Variants in ZSCAN16 observed in about 807,000 individuals in gnomAD.
The protein encoded by ZSCAN16 is zinc finger and SCAN domain-containing protein 16.
Under a neutral mutation model 19.4 loss-of-function variants are expected in ZSCAN16, and 15 were observed. The observed-to-expected ratio is 0.77, with a 90% CI of 0.52 to 1.19. The LOEUF is 1.19. Ranked by LOEUF, ZSCAN16 falls within the 50% of genes most tolerant of loss-of-function variation. The pLI is 0.00. For synonymous variants in ZSCAN16, 138 were observed against 146.5 expected, an observed-to-expected ratio of 0.94 and a Z score of 0.42; for missense variants, 327 against 415.7, an observed-to-expected ratio of 0.79 and a Z score of 1.86.
chr6:28,125,078 T>C lies in ZSCAN16; in HGVS notation c.-31-335T>C, dbSNP rs373134445. Among the ~76,000 whole-genome samples the C allele has an allele frequency of 1.6e-4, 24 of 152,350 alleles. No individual in the cohort carries two copies. The South Asian group carries it at 1.9e-3, about 12-fold the overall frequency. On this transcript the variant is annotated intron_variant, in intron 1 of 3. Coordinates refer to ENST00000340487, the MANE Select transcript of ZSCAN16 (RefSeq NM_025231.3). This position sits in a 1 kb window ranked among gnomAD's most constrained non-coding sequence, Gnocchi z 6.2. The stretch of plus-strand genomic sequence containing the variant: ...GCCATGCCAGGGACGTTGCATACGT[T>C]CTCATGTAATCTGTATATCAACCCT...
chr6:28,129,518 A>C lies in ZSCAN16; in HGVS notation c.615A>C (p.Arg205Ser). The C allele has an allele frequency of 6.2e-7, 1 of 1,614,176 alleles. No individual in the cohort carries two copies. Among genetic ancestry groups the C allele is most frequent in the Non-Finnish European group, 8.5e-7 (1 of 1,180,016 alleles). ...DKEFLGEIND[R>S]LNKDTPQHPK... Reference sequence around the variant, plus strand: ...AATTCCTTGGGGAGATAAATGACAGACTGAACAAAGATACTCCTCAGCATC... The same window carrying C: ...AATTCCTTGGGGAGATAAATGACAGCCTGAACAAAGATACTCCTCAGCATC... The change falls in exon 4 of 4, where the codon AGA becomes AGC. Residue 205 changes from arginine to serine, a missense_variant. Transcript: ENST00000340487.
chr6:28,129,299 A>G (rs1330371597), intron 3 of ZSCAN16, 131 bp from the exon 4 acceptor site: 29 of 1,114,162 alleles, frequency 2.6e-5, no homozygotes, highest in Non-Finnish European at 3.4e-5. Flanking sequence ...CAAATATTTG[A>G]TATGTGTGTT....
In ZSCAN16 at chr6:28,129,607, G is replaced by A. The variant is rs762566422; in HGVS notation, c.704G>A (p.Arg235Gln). 1.3e-5 allele frequency: 21 copies of A among 1,614,028 alleles called. No individual in the cohort carries two copies. The highest frequency in any genetic ancestry group is 6.7e-5 in the Admixed American group (4 of 60,004). Reference sequence around the variant, plus strand: ...GAATGGCAACAGAGGGAAAGAAGACGATATAAATGTGATGAATGTGGGAAA... The same window carrying A: ...GAATGGCAACAGAGGGAAAGAAGACAATATAAATGTGATGAATGTGGGAAA... ...RSEWQQRERR[R>Q]YKCDECGKSF... Residue 235 changes from arginine to glutamine, a missense_variant, in exon 4 of 4, where the codon CGA becomes CAA. Arg to Gln is a conservative substitution (Grantham distance 43). Coordinates refer to ENST00000340487, the MANE Select transcript of ZSCAN16 (RefSeq NM_025231.3).
intron 3 of ZSCAN16, 49 bp from the exon 4 acceptor site, chr6:28,129,381 T>C (rs527579792): frequency 6.5e-7 from 1 of 1,531,148 alleles, no homozygotes; most frequent in Admixed American, 2.2e-5. Flanking sequence ...GGCTGTTTGC[T>C]TCTCAAACAT....
intron 2 of ZSCAN16, among the ~76,000 whole-genome samples, chr6:28,126,384 A>G (rs1274966473): frequency 6.6e-6 from 1 of 152,208 alleles, no homozygotes; most frequent in Non-Finnish European, 1.5e-5. Flanking sequence ...TTTGGTATGT[A>G]TCTTACATTT....
chr6:28,128,987 A>G (rs1310248134), intron 3 of ZSCAN16, among the ~76,000 whole-genome samples: 1 of 151,760 alleles, frequency 6.6e-6, no homozygotes, highest in Non-Finnish European at 1.5e-5. Flanking sequence ...CTCTCCATTC[A>G]CTTTTACTTG....
At chr6:28,128,357 G>C (rs532185048) in intron 3 of ZSCAN16, among the ~76,000 whole-genome samples, 1 of 152,120 alleles carries the variant, frequency 6.6e-6, no homozygotes, top group South Asian at 2.1e-4. Context: ...TATACTAAAT[G>C]TAAGGAATCC....
chr6:28,127,163 TTC>T (rs1336224615), intron 3 of ZSCAN16, among the ~76,000 whole-genome samples: 3 of 152,208 alleles, frequency 2.0e-5, no homozygotes, highest in Admixed American at 2.0e-4. Flanking sequence ...ATCCTTATAA[TTC>T]TGTTGTTATC....
chr6:28,127,744 G>A (rs1213358249), intron 3 of ZSCAN16, among the ~76,000 whole-genome samples: 2 of 152,040 alleles, frequency 1.3e-5, no homozygotes, highest in African/African-American at 2.4e-5. Context: ...TACAAACTAG[G>A]GTGTCTAGTG....
At chr6:28,129,243 T>C (rs1401413472) in intron 3 of ZSCAN16, 187 bp from the exon 4 acceptor site, 1 of 295,468 alleles carries the variant, frequency 3.4e-6, no homozygotes, top group Non-Finnish European at 5.0e-6. Flanking sequence ...ATTTCTTCCT[T>C]ACATTGTGAC....
intron 2 of ZSCAN16, among the ~76,000 whole-genome samples, chr6:28,126,416 C>A (rs1488407314): frequency 2.6e-5 from 4 of 152,078 alleles, no homozygotes; most frequent in Admixed American, 2.6e-4. Flanking sequence ...TTTGTACTAG[C>A]CATATTTTAA....
intron 3 of ZSCAN16, among the ~76,000 whole-genome samples, chr6:28,128,450 A>T (rs1012943195): frequency 2.6e-5 from 4 of 152,168 alleles, no homozygotes; most frequent in Non-Finnish European, 5.9e-5. Context: ...CATACTAGAG[A>T]TACACCGTGA....
chr6:28,126,726 T>A (rs1764915231), intron 2 of ZSCAN16, 57 bp from the exon 3 acceptor site: 1 of 1,344,430 alleles, frequency 7.4e-7, no homozygotes, highest in South Asian at 2.0e-5. Flanking sequence ...TTGATTGTTT[T>A]ATCTGAAGTT....
chr6:28,125,561 T>C lies in ZSCAN16; in HGVS notation c.118T>C (p.Tyr40His). The C allele has an allele frequency of 6.2e-7, 1 of 1,614,234 alleles. No individual in the cohort carries two copies. The highest frequency in any genetic ancestry group is 1.6e-4 in the Middle Eastern group (1 of 6,062). ...QKCSPHRREL[Y>H]RQHFRKLCYQ... ...GTGCAGTCCTCACAGGAGGGAACTC[T>C]ATAGACAACACTTCAGGAAGCTCTG... Residue 40 changes from tyrosine (Y) to histidine (H), a missense_variant, in exon 2 of 4, where the codon TAT becomes CAT. Coordinates refer to ENST00000340487, the MANE Select transcript of ZSCAN16 (RefSeq NM_025231.3). This position sits in a 1 kb window ranked among gnomAD's most constrained non-coding sequence, Gnocchi z 6.2.
intron 3 of ZSCAN16, 129 bp from the exon 4 acceptor site, chr6:28,129,301 A>G (rs992740811): frequency 4.3e-5 from 49 of 1,127,954 alleles, no homozygotes; most frequent in Non-Finnish European, 5.4e-5. Flanking sequence ...AATATTTGAT[A>G]TGTGTGTTGT....
rs749020483 is a variant in ZSCAN16 at position 28,129,790 on chromosome 6, A to C, written c.887A>C (p.Glu296Ala). The change falls in exon 4 of 4, where the codon GAA becomes GCA. Residue 296 changes from glutamate (E) to alanine (A), a missense_variant. By Grantham distance (107) the Glu-to-Ala change is moderately radical. Transcript: ENST00000340487. ...GGAGTAAAACCCTATAAATGTAAAG[A>C]ATGTGGGAAAGACTTCAGTGGGCGC... ...HTGVKPYKCK[E>A]CGKDFSGRTG... 1.2e-6 allele frequency: 2 copies of C among 1,614,202 alleles called. No homozygotes were observed. Among genetic ancestry groups the C allele is most frequent in the Middle Eastern group, 1.7e-4 (1 of 6,054 alleles).
Position 28,129,517 on chromosome 6 carries a change from G to A in ZSCAN16, c.614G>A (p.Arg205Lys), listed in dbSNP as rs145967433. 1.1e-5 allele frequency: 17 copies of A among 1,613,978 alleles called. No individual in the cohort carries two copies. The highest frequency in any genetic ancestry group is 2.7e-5 in the African/African-American group (2 of 74,898). Residue 205 changes from arginine (R) to lysine (K), a missense_variant, in exon 4 of 4, where the codon AGA becomes AAA. Coordinates refer to ENST00000340487, the MANE Select transcript of ZSCAN16 (RefSeq NM_025231.3). ...GAATTCCTTGGGGAGATAAATGACA[G>A]ACTGAACAAAGATACTCCTCAGCAT... ...DKEFLGEIND[R>K]LNKDTPQHPK...
rs1478981328 is a variant in ZSCAN16 at position 28,124,628 on chromosome 6, G to C, written c.-81G>C. The C allele has an allele frequency of 6.6e-6, 1 of 152,208 alleles. No homozygotes were observed. Among genetic ancestry groups the C allele is most frequent in the Non-Finnish European group, 1.5e-5 (1 of 68,066 alleles). The allele number at this position is 152,208 out of a possible 1,614,324, so 9.4% of individuals were successfully genotyped here. On this transcript the variant is annotated 5_prime_UTR_variant, in exon 1 of 4. Coordinates refer to ENST00000340487, the MANE Select transcript of ZSCAN16 (RefSeq NM_025231.3). ...GTCTTTGAGTCTAGTCTTTGTTCGG[G>C]GCTGTCCAAAGGACGCTAGCTGTTG...
intron 3 of ZSCAN16, among the ~76,000 whole-genome samples, chr6:28,127,141 A>C (rs997103434): frequency 1.6e-4 from 25 of 152,252 alleles, no homozygotes; most frequent in African/African-American, 6.0e-4. Flanking sequence ...ATGAGGATGG[A>C]GTTTATTTAA....
Sources: allele counts gnomAD v4.1 joint callset (sites outside exome capture counted in the v4.1 genomes callset), GRCh38; gene constraint gnomAD v4.1.1; non-coding constraint Gnocchi (gnomAD v3.1); transcripts MANE v1.5; gene names NCBI Gene and HGNC (gene_info 2026-07-23, HGNC 2026-07-21).